ALG13: variants seen among roughly 807,000 people sequenced by gnomAD.
ALG13 encodes UDP-N-acetylglucosamine transferase subunit ALG13.
In ALG13, 11 loss-of-function variants were observed where a neutral mutation model predicts 87.8. The ratio of observed to expected loss-of-function variants is 0.13; its 90% CI spans 0.08 to 0.21. The LOEUF (loss-of-function observed/expected upper bound fraction) is 0.21, where lower values mean the gene tolerates loss of function less well. ALG13 is among the 10% of genes least tolerant of loss of function. The pLI is 1.00. For missense variants in ALG13, 756 were observed against 866.1 expected, an observed-to-expected ratio of 0.87 and a Z score of 1.60; for synonymous variants, 320 against 306.3, an observed-to-expected ratio of 1.04 and a Z score of -0.47.
At chrX:111,681,608 C>T (rs2147606260) in intron 1 of ALG13, 1 of 952,703 alleles carries the variant, frequency 1.0e-6, no homozygotes, top group East Asian at 5.2e-5. Flanking sequence ...TCCGCCCCTC[C>T]TTCCAACGGC....
At chrX:111,688,590 G>A in intron 3 of ALG13, 4 of 732,523 alleles carry the variant, frequency 5.5e-6, no homozygotes, top group Non-Finnish European at 6.3e-6. Flanking sequence ...AACATACAAA[G>A]TGATAAAATA....
intron 3 of ALG13, chrX:111,689,931 AC>A: frequency 8.0e-6 from 6 of 753,916 alleles, no homozygotes; most frequent in Non-Finnish European, 9.4e-6. Context: ...TTGGCGTATG[AC>A]AACCTTACCT....
chrX:111,696,536 C>T (rs1936987972), intron 3 of ALG13, among the ~76,000 whole-genome samples: 1 of 111,815 alleles, frequency 8.9e-6, no homozygotes, highest in South Asian at 3.7e-4. Context: ...GTAATGTATG[C>T]TTTAAAAAAA....
chrX:111,739,711 T>C (rs1344421398), intron 23 of ALG13, among the ~76,000 whole-genome samples: 2 of 112,568 alleles, frequency 1.8e-5, no homozygotes, highest in African/African-American at 6.5e-5. Flanking sequence ...AAACCAAGAA[T>C]ATTCTTCCCA....
chrX:111,684,324 T>A (rs1056882745), intron 2 of ALG13, among the ~76,000 whole-genome samples: 11 of 110,137 alleles, frequency 1.0e-4, no homozygotes, highest in African/African-American at 3.6e-4. Context: ...ACTGCTTTTT[T>A]TTTTCCTTTT....
At chrX:111,691,646 A>G (rs1936168314) in intron 3 of ALG13, among the ~76,000 whole-genome samples, 1 of 112,576 alleles carries the variant, frequency 8.9e-6, no homozygotes, top group South Asian at 3.7e-4. Flanking sequence ...ATTCCAGTAT[A>G]CTTCCATCCT....
chrX:111,726,232 GTTTTTTTTTT>G (rs1213050998), intron 15 of ALG13, among the ~76,000 whole-genome samples: 8 of 60,196 alleles, frequency 1.3e-4, no homozygotes, highest in African/African-American at 5.0e-4. Flanking sequence ...GGCGTGTTTT[GTTTTTTTTTT>G]TTTTTTTTTT....
At chrX:111,712,655 C>A in intron 7 of ALG13, 125 bp downstream of exon 7, 4 of 361,255 alleles carry the variant, frequency 1.1e-5, no homozygotes, top group East Asian at 4.2e-5. Flanking sequence ...ATGAAGAAAG[C>A]TAAGAAAAAG....
intron 14 of ALG13, 132 bp from the exon 15 acceptor site, chrX:111,724,802 A>G: frequency 1.5e-6 from 1 of 682,648 alleles, no homozygotes; most frequent in Non-Finnish European, 2.2e-6. Context: ...CTAATAAAAA[A>G]TTAAACAAGG....
At chrX:111,746,827 T>C (rs144935552) in intron 24 of ALG13, among the ~76,000 whole-genome samples, 158 of 112,168 alleles carry the variant, frequency 1.4e-3, no homozygotes, top group Non-Finnish European at 1.5e-3. Context: ...GTAGTTTCTC[T>C]TGCTCACCAA....
At chrX:111,701,940 A>AG in intron 3 of ALG13, among the ~76,000 whole-genome samples, 1 of 111,454 alleles carries the variant, frequency 9.0e-6, no homozygotes, top group Non-Finnish European at 1.9e-5. Flanking sequence ...CTTGTTCAGA[A>AG]GCATTTTGTC....
chrX:111,736,742 C>T lies in ALG13; in HGVS notation c.2558C>T (p.Ala853Val), dbSNP rs967931939. Residue 853 changes from alanine to valine, a missense_variant, in exon 23 of 27, where the codon GCT (alanine) becomes GTT (valine). Ala to Val is a moderately conservative substitution (Grantham distance 64). Coordinates refer to ENST00000394780, the MANE Select transcript of ALG13 (RefSeq NM_001099922.3). ...KMMGNIAAVA[A>V]SCANNVPAPV... ...ATGGGAAATATTGCAGCAGTTGCAG[C>T]TTCCTGTGCCAATAATGTTCCAGCT... The T allele has an allele frequency of 8.3e-7, 1 of 1,210,149 alleles. No individual in the cohort carries two copies. The highest frequency in any genetic ancestry group is 2.2e-5 in the Admixed American group (1 of 45,842).
intron 11 of ALG13, among the ~76,000 whole-genome samples, chrX:111,720,706 G>C: frequency 9.0e-6 from 1 of 111,412 alleles, no homozygotes; most frequent in Non-Finnish European, 1.9e-5. Context: ...TGAAATTCTA[G>C]GAAAGCAGAA....
chrX:111,750,486 G>A (rs1339771808), intron 24 of ALG13, among the ~76,000 whole-genome samples: 1 of 111,015 alleles, frequency 9.0e-6, no homozygotes, highest in African/African-American at 3.3e-5. Context: ...GTGTTCTACA[G>A]ATATTGTGAT....
intron 3 of ALG13, among the ~76,000 whole-genome samples, chrX:111,692,088 C>T (rs781205024): frequency 9.0e-6 from 1 of 111,308 alleles, no homozygotes; most frequent in South Asian, 3.9e-4. Context: ...ACCTCAAACT[C>T]AAGGTGTGCC....
chrX:111,688,497 G>A, intron 3 of ALG13: 1 of 748,177 alleles, frequency 1.3e-6, no homozygotes, highest in African/African-American at 2.3e-5. Flanking sequence ...AGATGATCAA[G>A]TTAGTTGATC....
At position 111,723,855 on chromosome X, in the gene ALG13, G is replaced by A; in HGVS notation, c.1558G>A (p.Glu520Lys). The A allele has an allele frequency of 8.4e-7, 1 of 1,185,374 alleles. No individual in the cohort carries two copies. Among genetic ancestry groups the A allele is most frequent in the Admixed American group, 2.4e-5 (1 of 42,330 alleles). The change falls in exon 14 of 27, where the codon GAG becomes AAG. Residue 520 changes from glutamate to lysine, a missense_variant. This residue lies in a region of ALG13 where 362 missense variants were observed against 383.5 expected (regional missense o/e 0.94). Transcript: ENST00000394780. ...TGCTCATATCCAGGAAGTTGGAAAT[G>A]AGAACAATTCAGTAACAGTCTTCAT... is the stretch of plus-strand genomic sequence containing the variant. ...YNAHIQEVGN[E>K]NNSVTVFIEE...
chrX:111,722,712 G>C, intron 12 of ALG13, 81 bp from the exon 13 acceptor site: 1 of 693,286 alleles, frequency 1.4e-6, no homozygotes. Context: ...AAGGCACTAC[G>C]GTAAAAGTAA....
intron 3 of ALG13, 86 bp downstream of exon 3, chrX:111,685,189 C>A: frequency 2.0e-6 from 2 of 976,446 alleles, no homozygotes; most frequent in South Asian, 2.3e-5. Flanking sequence ...CCATCTGTCT[C>A]TTCTGCCTCT....
Sources: gnomAD v4.1 joint callset for allele counts (sites outside exome capture counted in the v4.1 genomes callset) on GRCh38, gnomAD v4.1.1 for gene constraint, gnomAD v4.1.1 regional missense constraint, MANE v1.5 for transcripts, NCBI Gene and HGNC (gene_info 2026-07-23, HGNC 2026-07-21) for gene names.